Variants in DLG2 observed in about 807,000 individuals in gnomAD.
The protein encoded by DLG2 is discs large MAGUK scaffold protein 2.
Under a neutral mutation model 132.5 loss-of-function variants are expected in DLG2, and 45 were observed. The observed-to-expected ratio is 0.34, with a 90% CI of 0.27 to 0.44. The LOEUF is 0.44. Ranked by LOEUF, DLG2 falls within the 20% of genes least tolerant of loss-of-function variation. The probability of loss-of-function intolerance (pLI) is 1.00; values close to 1 mark genes in which losing one functional copy is unlikely to be tolerated. For synonymous variants in DLG2, 424 were observed against 419.6 expected, an observed-to-expected ratio of 1.01 and a Z score of -0.13; for missense variants, 1,045 against 1,196.9, an observed-to-expected ratio of 0.87 and a Z score of 1.87.
chr11:84,417,566 T>C (rs2098934072), intron 7 of DLG2, among the ~76,000 whole-genome samples: 1 of 152,166 alleles, frequency 6.6e-6, no homozygotes, highest in South Asian at 2.1e-4. Context: ...AGGCTCTTGA[T>C]GACTTCGTCT....
At chr11:85,220,433 G>A (rs910135855) in intron 4 of DLG2, among the ~76,000 whole-genome samples, 1 of 151,976 alleles carries the variant, frequency 6.6e-6, no homozygotes, top group Admixed American at 6.5e-5. Context: ...GATAAGCAAG[G>A]AGGCCAGGGT....
intron 15 of DLG2, among the ~76,000 whole-genome samples, chr11:83,913,959 A>G (rs1455367405): frequency 6.6e-6 from 1 of 152,178 alleles, no homozygotes; most frequent in East Asian, 1.9e-4. Context: ...CAGTGGGTAA[A>G]TACTTCAGAT....
At chr11:84,906,744 G>A (rs745894325) in intron 6 of DLG2, among the ~76,000 whole-genome samples, 4 of 152,026 alleles carry the variant, frequency 2.6e-5, no homozygotes, top group Non-Finnish European at 5.9e-5. Context: ...AAATAGTGAG[G>A]CCAAGGGACT....
chr11:84,073,359 C>T (rs1201713310), intron 10 of DLG2, among the ~76,000 whole-genome samples: 1 of 151,592 alleles, frequency 6.6e-6, no homozygotes, highest in Middle Eastern at 3.2e-3. Context: ...AAAAAAAGAA[C>T]TCCAGTGATA....
At chr11:84,392,544 T>C (rs1371243050) in intron 7 of DLG2, among the ~76,000 whole-genome samples, 3 of 152,216 alleles carry the variant, frequency 2.0e-5, no homozygotes, top group Non-Finnish European at 4.4e-5. Context: ...TTCACTGAGG[T>C]CAAATCCATT....
intron 3 of DLG2, among the ~76,000 whole-genome samples, chr11:85,480,459 C>T (rs1474220128): frequency 6.6e-6 from 1 of 151,924 alleles, no homozygotes; most frequent in African/African-American, 2.4e-5. Flanking sequence ...GGATGAATCT[C>T]ATAGATGTGA....
chr11:85,278,161 T>A (rs560705029), intron 4 of DLG2, among the ~76,000 whole-genome samples: 60 of 152,300 alleles, frequency 3.9e-4, no homozygotes, highest in African/African-American at 1.3e-3. Flanking sequence ...GTCAGACACA[T>A]GTTTATTAAT....
intron 7 of DLG2, among the ~76,000 whole-genome samples, chr11:84,369,491 G>A (rs184554069): frequency 1.2e-4 from 19 of 152,246 alleles, no homozygotes; most frequent in African/African-American, 4.3e-4. Context: ...CTGAGGCTTA[G>A]AGAGGCTAAC....
intron 18 of DLG2, among the ~76,000 whole-genome samples, chr11:83,682,839 G>A (rs1442242407): frequency 1.3e-5 from 2 of 152,120 alleles, no homozygotes; most frequent in African/African-American, 4.8e-5. Flanking sequence ...GGAATGCAAG[G>A]AGTCCTAGAG....
chr11:85,471,971 T>C (rs1317573940), intron 3 of DLG2, among the ~76,000 whole-genome samples: 1 of 152,138 alleles, frequency 6.6e-6, no homozygotes, highest in Non-Finnish European at 1.5e-5. Context: ...AATAACAGAA[T>C]AATATCTACA....
At chr11:84,710,324 A>G (rs968752981) in intron 6 of DLG2, among the ~76,000 whole-genome samples, 1 of 151,900 alleles carries the variant, frequency 6.6e-6, no homozygotes, top group Non-Finnish European at 1.5e-5. Flanking sequence ...GCCCACTATA[A>G]TGTTAAACAT....
At chr11:83,782,383 T>C (rs919911449) in intron 18 of DLG2, among the ~76,000 whole-genome samples, 2 of 152,138 alleles carry the variant, frequency 1.3e-5, no homozygotes, top group Non-Finnish European at 2.9e-5. Context: ...ATAAAATGAG[T>C]GACAGAAGGG....
intron 4 of DLG2, among the ~76,000 whole-genome samples, chr11:85,208,570 T>C (rs751353221): frequency 3.9e-5 from 6 of 152,176 alleles, no homozygotes; most frequent in Non-Finnish European, 8.8e-5. Flanking sequence ...AGTCTTATTA[T>C]GTGTTCTTTC....
chr11:84,206,147 C>A (rs2096662365), intron 8 of DLG2, among the ~76,000 whole-genome samples: 1 of 151,962 alleles, frequency 6.6e-6, no homozygotes, highest in Non-Finnish European at 1.5e-5. Flanking sequence ...TCAATGGACA[C>A]AAACTACCAA....
intron 6 of DLG2, among the ~76,000 whole-genome samples, chr11:84,676,269 T>C (rs565358695): frequency 1.3e-5 from 2 of 152,204 alleles, no homozygotes; most frequent in African/African-American, 2.4e-5. Flanking sequence ...ATACTTCAGA[T>C]AGAAAGTCTG....
At chr11:83,900,935 G>A (rs2073230890) in intron 15 of DLG2, among the ~76,000 whole-genome samples, 1 of 152,202 alleles carries the variant, frequency 6.6e-6, no homozygotes. Flanking sequence ...ACCCTGCAAA[G>A]CTATAGGGCC....
At chr11:83,957,571 T>TTAA in intron 14 of DLG2, among the ~76,000 whole-genome samples, 1 of 131,862 alleles carries the variant, frequency 7.6e-6, no homozygotes, top group South Asian at 2.4e-4. Context: ...TTTTTTTTTT[T>TTAA]AAAAACATAA....
At chr11:84,905,243 C>T (rs150057091) in intron 6 of DLG2, among the ~76,000 whole-genome samples, 2,764 of 152,204 alleles carry the variant, frequency 0.018, 29 homozygotes, top group Non-Finnish European at 0.028. Flanking sequence ...GTTTTTCTAT[C>T]GGTTTACATA....
At chr11:84,114,081 A>T (rs1373406179) in intron 9 of DLG2, among the ~76,000 whole-genome samples, 1 of 152,032 alleles carries the variant, frequency 6.6e-6, no homozygotes, top group Non-Finnish European at 1.5e-5. Flanking sequence ...CTTAAAAAAA[A>T]TAAAACTAGT....
Sources: allele counts gnomAD v4.1 joint callset (sites outside exome capture counted in the v4.1 genomes callset), GRCh38; gene constraint gnomAD v4.1.1; transcripts MANE v1.5; gene names NCBI Gene and HGNC (gene_info 2026-07-23, HGNC 2026-07-21).